Variants in SAMD5 observed in about 807,000 individuals in gnomAD.
SAMD5 encodes the protein sterile alpha motif domain containing 5.
A neutral mutation model predicts 11.3 loss-of-function variants in SAMD5; 13 were observed. That is an observed-to-expected ratio of 1.15 (90% CI 0.75 to 1.83). SAMD5 has a LOEUF of 1.83. SAMD5 is among the 40% of genes most tolerant of loss of function. The pLI, the probability that SAMD5 is intolerant of heterozygous loss-of-function variation, is 0.00. For missense variants in SAMD5, 255 were observed against 239.1 expected (o/e 1.07, Z -0.44); for synonymous variants, 129 against 111.3 (o/e 1.16, Z -1.00).
intron 1 of SAMD5, among the ~76,000 whole-genome samples, chr6:147,584,822 A>G (rs753149050): frequency 6.6e-6 from 1 of 152,236 alleles, no homozygotes; most frequent in Non-Finnish European, 1.5e-5. Flanking sequence ...TGTGTTATCC[A>G]TGGCAAATAT....
intron 1 of SAMD5, among the ~76,000 whole-genome samples, chr6:147,652,702 A>G (rs1403727679): frequency 6.6e-6 from 1 of 152,192 alleles, no homozygotes; most frequent in Non-Finnish European, 1.5e-5. Context: ...TGGCAACTCT[A>G]ACAGTTTATT....
the SAMD5 span, among the ~76,000 whole-genome samples, chr6:147,950,524 G>A: frequency 6.6e-6 from 1 of 152,100 alleles, no homozygotes; most frequent in African/African-American, 2.4e-5. Context: ...CTCACATTTG[G>A]CCCCGACCTG....
At chr6:147,838,251 C>T in the SAMD5 span, among the ~76,000 whole-genome samples, 1 of 151,988 alleles carries the variant, frequency 6.6e-6, no homozygotes, top group Non-Finnish European at 1.5e-5. Flanking sequence ...ATAAATTAGC[C>T]ATCAAAAAGT....
intron 1 of SAMD5, among the ~76,000 whole-genome samples, chr6:147,624,225 C>T (rs1363112926): frequency 6.6e-6 from 1 of 152,140 alleles, no homozygotes; most frequent in African/African-American, 2.4e-5. Context: ...CCCAGTTAGG[C>T]TTGTAACTAA....
the SAMD5 span, among the ~76,000 whole-genome samples, chr6:147,885,705 A>C: frequency 3.3e-5 from 5 of 152,150 alleles, no homozygotes; most frequent in African/African-American, 1.2e-4. Flanking sequence ...ATAAGAGAAG[A>C]CTGCTGCTGA....
chr6:147,520,117 GTTTTTTTT>G (rs10632543), intron 1 of SAMD5, among the ~76,000 whole-genome samples: 1 of 136,860 alleles, frequency 7.3e-6, no homozygotes, highest in South Asian at 2.3e-4. Flanking sequence ...GAACTTTATA[GTTTTTTTT>G]TTTTTTTTTG....
At chr6:147,806,193 C>A in the SAMD5 span, among the ~76,000 whole-genome samples, 1 of 152,146 alleles carries the variant, frequency 6.6e-6, no homozygotes, top group African/African-American at 2.4e-5. Flanking sequence ...GTGGGTGAAT[C>A]CGTGGGATAT....
At chr6:147,522,890 C>T (rs943891254) in intron 1 of SAMD5, among the ~76,000 whole-genome samples, 1 of 152,134 alleles carries the variant, frequency 6.6e-6, no homozygotes, top group Non-Finnish European at 1.5e-5. Flanking sequence ...CTGGCTTTTG[C>T]AGACATTCTG....
At chr6:147,674,341 AC>A (rs1317184959) in intron 1 of SAMD5, among the ~76,000 whole-genome samples, 1 of 152,154 alleles carries the variant, frequency 6.6e-6, no homozygotes, top group Non-Finnish European at 1.5e-5. Context: ...TGTGGGGCTC[AC>A]CAGTTCTCTC....
chr6:147,937,062 A>C, the SAMD5 span, among the ~76,000 whole-genome samples: 1 of 152,126 alleles, frequency 6.6e-6, no homozygotes, highest in Non-Finnish European at 1.5e-5. Context: ...TGGAAGATAG[A>C]AATACTAGTC....
At chr6:147,765,747 A>G in the SAMD5 span, among the ~76,000 whole-genome samples, 1 of 152,204 alleles carries the variant, frequency 6.6e-6, no homozygotes, top group Non-Finnish European at 1.5e-5. Context: ...GCCGTACAAC[A>G]GATGTACATC....
At chr6:147,732,868 A>T (rs1791738430) in intron 1 of SAMD5, among the ~76,000 whole-genome samples, 1 of 152,122 alleles carries the variant, frequency 6.6e-6, no homozygotes, top group Non-Finnish European at 1.5e-5. Context: ...ACAGAGAAAA[A>T]ATTTAAGGCA....
At chr6:147,576,086 G>C (rs1216088142) in intron 1 of SAMD5, among the ~76,000 whole-genome samples, 1 of 151,964 alleles carries the variant, frequency 6.6e-6, no homozygotes, top group Non-Finnish European at 1.5e-5. Flanking sequence ...CTAAGTGGCA[G>C]CTCAAAATTT....
At chr6:147,672,496 G>A (rs79956652) in intron 1 of SAMD5, among the ~76,000 whole-genome samples, 5,200 of 152,110 alleles carry the variant, frequency 0.034, 144 homozygotes, top group Non-Finnish European at 0.051. Context: ...TAGTGCGTGG[G>A]GATGTACTCT....
At position 147,536,203 on chromosome 6, in the gene SAMD5, T is replaced by C. The variant is rs537368516; in HGVS notation, c.459+26816T>C. Among the ~76,000 whole-genome samples, 3 of 152,240 alleles carry C rather than the reference T, an allele frequency of 2.0e-5. No individual in the cohort carries two copies. The East Asian group carries it at 5.8e-4, about 30-fold the overall frequency. On this transcript the variant is annotated intron_variant, in intron 1 of 1. Transcript: ENST00000367474. Reference sequence around the variant, plus strand: ...TTTCACCATATTAGCTAGGATGGTCTCAATCTCCTGACCTCGTGATCTGCC... The same window carrying C: ...TTTCACCATATTAGCTAGGATGGTCCCAATCTCCTGACCTCGTGATCTGCC...
At chr6:147,615,431 A>G (rs941337637) in intron 1 of SAMD5, among the ~76,000 whole-genome samples, 1 of 152,238 alleles carries the variant, frequency 6.6e-6, no homozygotes, top group African/African-American at 2.4e-5. Flanking sequence ...ATAGTTATTA[A>G]CTTAAAAATA....
the SAMD5 span, among the ~76,000 whole-genome samples, chr6:147,790,768 C>A: frequency 4.7e-5 from 4 of 84,588 alleles, no homozygotes; most frequent in African/African-American, 2.4e-4. Flanking sequence ...CTCTCTCTCT[C>A]TTTCTCTCTC....
At chr6:147,731,604 T>C (rs961638453) in intron 1 of SAMD5, among the ~76,000 whole-genome samples, 6 of 142,268 alleles carry the variant, frequency 4.2e-5, no homozygotes, top group African/African-American at 1.6e-4. Context: ...TAATCTACGT[T>C]TAAAATTACT....
At chr6:147,551,801 T>TTATATATATGTTATATATATATATA (rs1562318544) in intron 1 of SAMD5, among the ~76,000 whole-genome samples, 4 of 128,388 alleles carry the variant, frequency 3.1e-5, no homozygotes, top group Admixed American at 8.2e-5. Flanking sequence ...AATGTGATTC[T>TTATATATATGTTATATATATATATA]TATATATATG....
Sources: allele counts gnomAD v4.1 joint callset (sites outside exome capture counted in the v4.1 genomes callset), GRCh38; gene constraint gnomAD v4.1.1; transcripts MANE v1.5; gene names NCBI Gene and HGNC (gene_info 2026-07-23, HGNC 2026-07-21).